Variants in GALNT17 observed in about 807,000 individuals in gnomAD.
GALNT17 encodes the protein polypeptide N-acetylgalactosaminyltransferase 17.
A neutral mutation model predicts 63.7 loss-of-function variants in GALNT17; 29 were observed. The ratio of observed to expected loss-of-function variants is 0.46; its 90% CI spans 0.34 to 0.62. GALNT17 has a LOEUF of 0.62. Among genes scored for constraint, GALNT17 ranks in the 20% least tolerant of loss-of-function variants. The probability of loss-of-function intolerance (pLI) is 0.01; values close to 1 mark genes in which losing one functional copy is unlikely to be tolerated. For missense variants in GALNT17, 603 were observed against 799.6 expected, an observed-to-expected ratio of 0.75 and a Z score of 2.97; for synonymous variants, 305 against 318.3, an observed-to-expected ratio of 0.96 and a Z score of 0.45.
chr7:71,680,932 CT>C (rs1371811963), intron 9 of GALNT17, among the ~76,000 whole-genome samples: 1 of 149,016 alleles, frequency 6.7e-6, no homozygotes, highest in East Asian at 2.0e-4. Flanking sequence ...TAGGGTCTTG[CT>C]GTGTTACCCA....
In GALNT17 at chr7:71,332,294, GA is replaced by G. The variant is rs796153788; in HGVS notation, c.239-3245del. On this transcript the variant is annotated intron_variant, in intron 1 of 10. Coordinates refer to ENST00000333538, the MANE Select transcript of GALNT17 (RefSeq NM_022479.3). ...CATTACGCTGTTCCTTGGATTTGGG[GA>G]AAAAAAAAAATCCAGTCTTTCAGGG... Among the ~76,000 whole-genome samples, 1,019 of 145,482 alleles carry G rather than the reference GA, an allele frequency of 7.0e-3. 9 individuals carry two copies. Among genetic ancestry groups the G allele is most frequent in the African/African-American group, 0.02 (809 of 39,888 alleles).
chr7:71,601,706 G>T (rs1789969612), intron 6 of GALNT17, among the ~76,000 whole-genome samples: 1 of 152,046 alleles, frequency 6.6e-6, no homozygotes, highest in African/African-American at 2.4e-5. Flanking sequence ...GATCAGTTGA[G>T]CCCAGGAGTT....
chr7:71,216,647 G>A (rs1789486669), intron 1 of GALNT17, among the ~76,000 whole-genome samples: 1 of 149,614 alleles, frequency 6.7e-6, no homozygotes, highest in Admixed American at 6.7e-5. Context: ...TATATATACA[G>A]ACATACAAAT....
intron 5 of GALNT17, among the ~76,000 whole-genome samples, chr7:71,422,835 C>A (rs1196225879): frequency 6.6e-6 from 1 of 152,190 alleles, no homozygotes; most frequent in Non-Finnish European, 1.5e-5. Context: ...CACATGTGGG[C>A]TTAGAGAATG....
intron 5 of GALNT17, among the ~76,000 whole-genome samples, chr7:71,546,038 T>C (rs2116818727): frequency 1.3e-5 from 2 of 152,188 alleles, no homozygotes; most frequent in South Asian, 4.1e-4. Flanking sequence ...GGCAGGAGGA[T>C]TGCTTGAGCC....
intron 1 of GALNT17, among the ~76,000 whole-genome samples, chr7:71,218,120 G>A (rs575788648): frequency 3.0e-4 from 46 of 152,122 alleles, no homozygotes; most frequent in African/African-American, 1.1e-3. Flanking sequence ...TAGGCCGGGC[G>A]TGGTAGCTCA....
intron 6 of GALNT17, among the ~76,000 whole-genome samples, chr7:71,582,088 A>G (rs1340021791): frequency 1.3e-5 from 2 of 152,184 alleles, no homozygotes; most frequent in Non-Finnish European, 2.9e-5. Context: ...TATGAAAAAC[A>G]GTATGGAGAT....
rs540027579 is a variant in GALNT17, at chr7:71,585,410, CA to C, written c.1080+14009del. Among the ~76,000 whole-genome samples, 38 of 152,336 alleles carry C rather than the reference CA, an allele frequency of 2.5e-4. No individual in the cohort carries two copies. The East Asian group carries it at 7.3e-3, about 29-fold the overall frequency. On this transcript the variant is annotated intron_variant, in intron 6 of 10. Coordinates refer to ENST00000333538, the MANE Select transcript of GALNT17 (RefSeq NM_022479.3). ...AATGGTGATTTTTAGACTCTACACT[CA>C]TTCTGCATTTATAAGCTGTAATTCT...
chr7:71,508,243 G>A (rs1321699445), intron 5 of GALNT17, among the ~76,000 whole-genome samples: 3 of 152,152 alleles, frequency 2.0e-5, no homozygotes, highest in Non-Finnish European at 4.4e-5. Flanking sequence ...AACCTCCACC[G>A]TAAGCGTGTG....
At chr7:71,551,957 T>C (rs1471070105) in intron 5 of GALNT17, among the ~76,000 whole-genome samples, 2 of 152,092 alleles carry the variant, frequency 1.3e-5, no homozygotes, top group Non-Finnish European at 2.9e-5. Flanking sequence ...CCAGAGGAAA[T>C]GAAGTGAGCT....
chr7:71,669,818 C>T (rs1791041128), intron 7 of GALNT17, among the ~76,000 whole-genome samples, 154 bp from the exon 8 acceptor site: 1 of 152,010 alleles, frequency 6.6e-6, no homozygotes, highest in African/African-American at 2.4e-5. Context: ...ACCTCTGCCT[C>T]CTAAAGTGCT....
intron 6 of GALNT17, among the ~76,000 whole-genome samples, chr7:71,655,644 G>A (rs1355464944): frequency 6.6e-6 from 1 of 152,178 alleles, no homozygotes; most frequent in Non-Finnish European, 1.5e-5. Flanking sequence ...TGGGAGAAAT[G>A]GAGCCAGTGG....
chr7:71,328,199 C>T (rs56340632), intron 1 of GALNT17, among the ~76,000 whole-genome samples: 9,173 of 152,228 alleles, frequency 0.06, 306 homozygotes, highest in Non-Finnish European at 0.083. Context: ...CTTTAACTGT[C>T]GTCAGCTGTT....
Position 71,540,093 on chromosome 7 carries a change from C to CTTT in GALNT17, c.963-31159_963-31157dup, listed in dbSNP as rs71089954. 1.7e-3 allele frequency among the ~76,000 whole-genome samples: 56 copies of CTTT among 33,550 alleles called. 12 individuals are homozygous for CTTT. The highest frequency in any genetic ancestry group is 2.0e-3 in the Non-Finnish European group (36 of 18,026). The allele number at this position is 33,550 out of a possible 152,430, so 22.0% of individuals were successfully genotyped here. A position where few individuals can be genotyped will look rare whatever the true frequency, so the allele number is the denominator to read the frequency against. ...ACAGTTGTGAGCCACTGTGCCTGGC[C>CTTT]TTTTTTTTTTTTTTTTTTTTTTTTT... On this transcript the variant is annotated intron_variant, in intron 5 of 10. Coordinates refer to ENST00000333538, the MANE Select transcript of GALNT17 (RefSeq NM_022479.3).
chr7:71,484,636 A>G (rs1310023105), intron 5 of GALNT17, among the ~76,000 whole-genome samples: 1 of 151,994 alleles, frequency 6.6e-6, no homozygotes, highest in Admixed American at 6.6e-5. Flanking sequence ...GGTGATAGGC[A>G]TTCTTCAGCT....
At chr7:71,552,015 TTTA>T (rs141958457) in intron 5 of GALNT17, among the ~76,000 whole-genome samples, 1 of 27,102 alleles carries the variant, frequency 3.7e-5, no homozygotes, top group Admixed American at 3.9e-4. Context: ...GCTCTTTTTA[TTTA>T]TTTATTTATT....
At chr7:71,698,123 C>CAAAAAAAAAAAAAAAAAAAAAAAA in intron 9 of GALNT17, among the ~76,000 whole-genome samples, 1 of 107,762 alleles carries the variant, frequency 9.3e-6, no homozygotes. Flanking sequence ...GACTCTGTCT[C>CAAAAAAAAAAAAAAAAAAAAAAAA]AAAAAAAAAA....
At chr7:71,205,308 C>T (rs566343545) in intron 1 of GALNT17, among the ~76,000 whole-genome samples, 1 of 151,880 alleles carries the variant, frequency 6.6e-6, no homozygotes, top group South Asian at 2.1e-4. Context: ...TGGGCACCAC[C>T]ATACCCAGCT....
intron 5 of GALNT17, among the ~76,000 whole-genome samples, chr7:71,460,734 G>A (rs1279772504): frequency 9.9e-5 from 15 of 152,124 alleles, no homozygotes; most frequent in African/African-American, 1.4e-4. Flanking sequence ...TTGATGATAC[G>A]CTAAACAAGG....
Sources: allele counts gnomAD v4.1 joint callset (sites outside exome capture counted in the v4.1 genomes callset), GRCh38; gene constraint gnomAD v4.1.1; transcripts MANE v1.5; gene names NCBI Gene and HGNC (gene_info 2026-07-23, HGNC 2026-07-21).